The following PTPRM variants were observed in gnomAD, a reference collection of about 807,000 sequenced individuals.
PTPRM encodes the protein protein tyrosine phosphatase receptor type M, also known as receptor-type tyrosine-protein phosphatase mu.
In PTPRM, 47 loss-of-function variants were observed where a neutral mutation model predicts 186.7. The ratio of observed to expected loss-of-function variants is 0.25; its 90% CI spans 0.20 to 0.32. The LOEUF is 0.32. Ranked by LOEUF, PTPRM falls within the 10% of genes least tolerant of loss-of-function variation. The pLI is 1.00. For synonymous variants in PTPRM, 668 were observed against 674.9 expected (o/e 0.99, Z 0.16); for missense variants, 1,494 against 1,865.0 (o/e 0.80, Z 3.66).
intron 22 of PTPRM, among the ~76,000 whole-genome samples, chr18:8,339,613 G>T (rs1186030620): frequency 6.6e-6 from 1 of 152,154 alleles, no homozygotes; most frequent in Admixed American, 6.5e-5. Context: ...GAGGTCAAAG[G>T]CAAAGGCTTA....
chr18:8,084,898 C>G (rs2090351026), intron 9 of PTPRM, among the ~76,000 whole-genome samples: 1 of 152,096 alleles, frequency 6.6e-6, no homozygotes, highest in South Asian at 2.1e-4. Flanking sequence ...TCAGACTCAT[C>G]CAACATGCTT....
At chr18:8,121,602 T>C (rs913403635) in intron 13 of PTPRM, among the ~76,000 whole-genome samples, 1 of 152,234 alleles carries the variant, frequency 6.6e-6, no homozygotes, top group Admixed American at 6.5e-5. Flanking sequence ...CAATTCGTAG[T>C]TTCTATTCTT....
chr18:8,099,139 TTCTC>T (rs138039597), intron 11 of PTPRM, among the ~76,000 whole-genome samples: 3 of 149,504 alleles, frequency 2.0e-5, no homozygotes, highest in East Asian at 2.0e-4. Flanking sequence ...CACAGTCTCT[TTCTC>T]TCTCTCTCTC....
chr18:8,378,062 T>G, intron 26 of PTPRM: 1 of 529,214 alleles, frequency 1.9e-6, no homozygotes, highest in Non-Finnish European at 3.3e-6. Context: ...GTGTGGTGGT[T>G]TGTATTGGGT....
In PTPRM at chr18:7,577,768, CTG is replaced by C. The variant is rs753573904; in HGVS notation, c.73+9892_73+9893del. Among the ~76,000 whole-genome samples the C allele has an allele frequency of 6.3e-3, 950 of 151,190 alleles. 6 individuals are homozygous for C. Among genetic ancestry groups the C allele is most frequent in the Middle Eastern group, 0.017 (5 of 292 alleles). ...CATTGGCTCTCATTGGCATTGTGTT[CTG>C]TGTGTGTGTGTGTGAGGGAGGTTCT... is the stretch of plus-strand genomic sequence containing the variant. On this transcript the variant is annotated intron_variant, in intron 1 of 32. Coordinates refer to ENST00000580170, the MANE Select transcript of PTPRM (RefSeq NM_001105244.2).
At chr18:8,301,294 A>G (rs1381824447) in intron 20 of PTPRM, among the ~76,000 whole-genome samples, 1 of 152,178 alleles carries the variant, frequency 6.6e-6, no homozygotes, top group Non-Finnish European at 1.5e-5. Context: ...TATTTACACT[A>G]TAAATTTGCT....
intron 1 of PTPRM, among the ~76,000 whole-genome samples, chr18:7,709,454 T>C (rs1364347896): frequency 1.3e-5 from 2 of 151,904 alleles, no homozygotes; most frequent in African/African-American, 2.4e-5. Flanking sequence ...CATCAAAAAG[T>C]CTGAAAGAGC....
chr18:8,131,058 A>G (rs950559356), intron 13 of PTPRM, among the ~76,000 whole-genome samples: 1 of 152,170 alleles, frequency 6.6e-6, no homozygotes. Context: ...GGATTGTTTT[A>G]TGGCCCATGA....
rs533930890 is a variant in PTPRM, at chr18:7,966,935, G to C, written c.1132+11521G>C. ...GGTAAACAAAGCAGCCTGGAAGCTC[G>C]AACTGGGTGGAGCCCACCACAGCTC... On this transcript the variant is annotated intron_variant, in intron 7 of 32. Transcript: ENST00000580170. Among the ~76,000 whole-genome samples, 10 of 124,230 alleles carry C rather than the reference G, an allele frequency of 8.0e-5. 1 individual carries two copies. The highest frequency in any genetic ancestry group is 4.3e-4 in the East Asian group (2 of 4,704). 81.5% of individuals were successfully genotyped at this position (124,230 alleles called of 152,430 possible).
chr18:8,000,673 CT>C (rs2147763341), intron 7 of PTPRM, among the ~76,000 whole-genome samples: 1 of 152,220 alleles, frequency 6.6e-6, no homozygotes, highest in African/African-American at 2.4e-5. Context: ...TTAAACCTAC[CT>C]TTTTTGTGTG....
intron 21 of PTPRM, among the ~76,000 whole-genome samples, chr18:8,318,487 G>A (rs28510734): frequency 0.22 from 33,888 of 151,390 alleles, 3,900 homozygotes; most frequent in South Asian, 0.3. Context: ...TGTAGAGATG[G>A]CTTTTTGCCA....
At chr18:8,062,926 G>T (rs1325499602) in intron 7 of PTPRM, among the ~76,000 whole-genome samples, 2 of 145,452 alleles carry the variant, frequency 1.4e-5, no homozygotes, top group African/African-American at 5.3e-5. Context: ...TCTGTGCCCT[G>T]CCCCCAGAGG....
In PTPRM at chr18:8,046,730, G is replaced by T. The variant is rs1274674968; in HGVS notation, c.1133-22956G>T. On this transcript the variant is annotated intron_variant, in intron 7 of 32. Transcript: ENST00000580170. ...CCTCACAAGAAGATCTAGTTTCAGG[G>T]GCCAGCATTCCCCAGTATTCCCAGT... Among the ~76,000 whole-genome samples the T allele has an allele frequency of 2.0e-5, 3 of 151,990 alleles. No homozygotes were observed. In the East Asian group the frequency reaches 5.8e-4, roughly 29 times the overall value.
At chr18:7,901,975 G>T (rs1330551603) in intron 3 of PTPRM, among the ~76,000 whole-genome samples, 1 of 152,152 alleles carries the variant, frequency 6.6e-6, no homozygotes, top group Non-Finnish European at 1.5e-5. Flanking sequence ...AAACATAGAA[G>T]TTGTTGCTTC....
chr18:8,020,144 A>G (rs922415650), intron 7 of PTPRM, among the ~76,000 whole-genome samples: 1 of 152,204 alleles, frequency 6.6e-6, no homozygotes, highest in African/African-American at 2.4e-5. Context: ...ATTAGTTGTG[A>G]CAAAAAGTAT....
chr18:8,405,454 T>G (rs2095900153), intron 32 of PTPRM, among the ~76,000 whole-genome samples: 1 of 152,192 alleles, frequency 6.6e-6, no homozygotes, highest in South Asian at 2.1e-4. Flanking sequence ...TTCCGTCCTC[T>G]GGGGAAGGCG....
intron 29 of PTPRM, 146 bp downstream of exon 29, chr18:8,380,573 A>G: frequency 3.1e-6 from 3 of 953,124 alleles, no homozygotes; most frequent in African/African-American, 1.6e-5. Context: ...TGCTGAACAC[A>G]ACGGTTAAAA....
chr18:8,252,512 A>AT lies in PTPRM; in HGVS notation c.2566+15dup. The AT allele has an allele frequency of 6.5e-7, 1 of 1,545,702 alleles. No homozygotes were observed. The highest frequency in any genetic ancestry group is 8.9e-7 in the Non-Finnish European group (1 of 1,117,850). ...GTGCCAATAAATGGTAAGTTCCCCG[A>AT]TTCGCCCCATGGAAGAGTTGTGGAG... On this transcript the variant is annotated intron_variant, in intron 18 of 32. Transcript: ENST00000580170.
intron 7 of PTPRM, among the ~76,000 whole-genome samples, chr18:7,985,405 G>C (rs981458962): frequency 6.3e-5 from 8 of 127,098 alleles, no homozygotes; most frequent in Admixed American, 3.4e-4. Context: ...TGGTATATAC[G>C]TATATAAATA....
Sources: gnomAD v4.1 joint callset for allele counts (sites outside exome capture counted in the v4.1 genomes callset) on GRCh38, gnomAD v4.1.1 for gene constraint, MANE v1.5 for transcripts, NCBI Gene and HGNC (gene_info 2026-07-23, HGNC 2026-07-21) for gene names.